SLC25A18: variants seen among roughly 807,000 people sequenced by gnomAD.
The protein encoded by SLC25A18 is mitochondrial glutamate carrier 2.
SLC25A18 carries 24 observed loss-of-function variants against 31.1 expected under a neutral mutation model. The ratio of observed to expected loss-of-function variants is 0.77; its 90% CI spans 0.56 to 1.08. SLC25A18 has a LOEUF of 1.08. Among genes scored for constraint, SLC25A18 ranks in the 50% least tolerant of loss-of-function variants. SLC25A18 has a pLI of 0.00. For missense variants in SLC25A18, 371 were observed against 418.5 expected (o/e 0.89, Z 0.99); for synonymous variants, 173 against 161.9 (o/e 1.07, Z -0.52).
intron 7 of SLC25A18, among the ~76,000 whole-genome samples, chr22:17,585,651 T>TTATTA (rs1491476479): frequency 1.6e-5 from 2 of 122,112 alleles, no homozygotes; most frequent in African/African-American, 7.8e-5. Flanking sequence ...ATTATTATTA[T>TTATTA]TTTTTTTTTT....
chr22:17,579,831 A>G lies in SLC25A18; in HGVS notation c.-114A>G. On this transcript the variant is annotated 5_prime_UTR_variant, in exon 3 of 11. Transcript: ENST00000327451. Reference sequence around the variant, plus strand: ...CACTCAAAACCCGTGCTCTGTCCACACTGCTACGGGGCCAGAGCCAAGGAA... The same window carrying G: ...CACTCAAAACCCGTGCTCTGTCCACGCTGCTACGGGGCCAGAGCCAAGGAA... 1 of 1,501,170 alleles carries G rather than the reference A, an allele frequency of 6.7e-7. No individual in the cohort carries two copies. The highest frequency in any genetic ancestry group is 8.9e-7 in the Non-Finnish European group (1 of 1,120,386). The allele number at this position is 1,501,170 out of a possible 1,614,324, so 93.0% of individuals were successfully genotyped here.
intron 2 of SLC25A18, among the ~76,000 whole-genome samples, chr22:17,572,056 G>A (rs942661051): frequency 8.6e-5 from 13 of 151,266 alleles, no homozygotes; most frequent in East Asian, 3.9e-4. Context: ...GTGTGGTGGT[G>A]CGTGCCTGTA....
rs8142020 is a variant in SLC25A18 at position 17,588,106 on chromosome 22, C to T, written c.730+27C>T. 7,380 of 1,613,106 alleles carry T rather than the reference C, an allele frequency of 4.6e-3. 264 individuals are homozygous for T. The African/African-American group carries it at 0.086, about 19-fold the overall frequency. ...TAAGGAGTTGGGAGACGTGTCCTTT[C>T]TATGGGATAAACAGTAATTTTGCAC... On this transcript the variant is annotated intron_variant, in intron 9 of 10. Transcript: ENST00000327451.
chr22:17,583,663 G>A (rs1374168077), intron 7 of SLC25A18, 129 bp downstream of exon 7: 3 of 1,315,428 alleles, frequency 2.3e-6, no homozygotes, highest in Non-Finnish European at 2.0e-6. Context: ...GAAGTTTTTG[G>A]CCAGGCATGG....
Position 17,581,211 on chromosome 22 carries a change from G to A in SLC25A18, c.143+52G>A, listed in dbSNP as rs760882135. ...GGCAGAGGCGCCCGGGGGAGGGATGGGGCCCCCTTCCCTCCAGTCTCCAGG... is the reference window on the plus strand; with the variant it reads ...GGCAGAGGCGCCCGGGGGAGGGATGAGGCCCCCTTCCCTCCAGTCTCCAGG... On this transcript the variant is annotated intron_variant, in intron 4 of 10. Coordinates refer to ENST00000327451, the MANE Select transcript of SLC25A18 (RefSeq NM_031481.3). The A allele has an allele frequency of 3.2e-6, 5 of 1,569,894 alleles. No individual in the cohort carries two copies. The African/African-American group carries it at 5.4e-5, about 17-fold the overall frequency.
rs1240659899 is a variant in SLC25A18, at chr22:17,569,157, C to T, written c.-263-767C>T. ...CCGAGTAGCTGGGACTACAGGCGCCCGCCACCACGCCCAGCTAATTTTTTG... is the reference window on the plus strand; with the variant it reads ...CCGAGTAGCTGGGACTACAGGCGCCTGCCACCACGCCCAGCTAATTTTTTG... On this transcript the variant is annotated intron_variant, in intron 1 of 10. Coordinates refer to ENST00000327451, the MANE Select transcript of SLC25A18 (RefSeq NM_031481.3). Among the ~76,000 whole-genome samples, 19 of 151,346 alleles carry T rather than the reference C, an allele frequency of 1.3e-4. No individual in the cohort carries two copies. The East Asian group carries it at 2.6e-3, about 20-fold the overall frequency.
chr22:17,588,020 C>G lies in SLC25A18; in HGVS notation c.671C>G (p.Ser224Cys). 6.2e-7 allele frequency: 1 copy of G among 1,614,254 alleles called. No individual in the cohort carries two copies. The highest frequency in any genetic ancestry group is 1.1e-5 in the South Asian group (1 of 91,082). Residue 224 changes from serine (S) to cysteine (C), a missense_variant, in exon 9 of 11, where the codon TCC becomes TGC. Coordinates refer to ENST00000327451, the MANE Select transcript of SLC25A18 (RefSeq NM_031481.3). ...ELAGKASFAH[S>C]FVSGCVAGSI... ...GCCGGTAAGGCGTCCTTTGCACATT[C>G]CTTCGTGTCAGGCTGTGTGGCAGGT...
At position 17,569,907 on chromosome 22, in the gene SLC25A18, G is replaced by A. The variant is rs1359976309; in HGVS notation, c.-263-17G>A. On this transcript the variant is annotated splice_polypyrimidine_tract_variant and intron_variant, in intron 1 of 10. Coordinates refer to ENST00000327451, the MANE Select transcript of SLC25A18 (RefSeq NM_031481.3). ...CAGTCCAAGCTGGCTGACACTGAAA[G>A]CCACCTCTCCCTGCAGCTCAGCAGC... 3 of 985,444 alleles carry A rather than the reference G, an allele frequency of 3.0e-6. No homozygotes were observed. Among genetic ancestry groups the A allele is most frequent in the Non-Finnish European group, 3.6e-6 (3 of 830,062 alleles). 61.0% of individuals were successfully genotyped at this position (985,444 alleles called of 1,614,324 possible).
chr22:17,588,198 A>C, intron 9 of SLC25A18, 119 bp downstream of exon 9: 1 of 1,178,018 alleles, frequency 8.5e-7, no homozygotes, highest in Non-Finnish European at 1.2e-6. Context: ...GCGGAGGCTC[A>C]CTAGAGGCCC....
intron 1 of SLC25A18, among the ~76,000 whole-genome samples, chr22:17,569,126 C>A (rs546114702): frequency 4.6e-5 from 7 of 150,606 alleles, no homozygotes; most frequent in South Asian, 2.1e-4. Flanking sequence ...CTCCTGCCTC[C>A]GCATCCCGAG....
chr22:17,570,708 A>T (rs1240799012), intron 2 of SLC25A18, among the ~76,000 whole-genome samples: 1 of 151,980 alleles, frequency 6.6e-6, no homozygotes, highest in Non-Finnish European at 1.5e-5. Context: ...CTGGTCTCGA[A>T]CTCCTAACCT....
At position 17,590,600 on chromosome 22, in the gene SLC25A18, A is replaced by G. The variant is rs929342637; in HGVS notation, c.*364A>G. 4 of 193,830 alleles carry G rather than the reference A, an allele frequency of 2.1e-5. No individual in the cohort carries two copies. The highest frequency in any genetic ancestry group is 3.2e-5 in the Non-Finnish European group (3 of 92,696). 12.0% of individuals were successfully genotyped at this position (193,830 alleles called of 1,614,324 possible). A position where few individuals can be genotyped will look rare whatever the true frequency, so the allele number is the denominator to read the frequency against. The stretch of plus-strand genomic sequence containing the variant: ...TTTCTATTTCACAGTCAAACTCGGC[A>G]TTCTTCAGTCAGCTTGAGGATTTAG... On this transcript the variant is annotated 3_prime_UTR_variant, in exon 11 of 11. Transcript: ENST00000327451.
Position 17,567,170 on chromosome 22 carries a change from T to C in SLC25A18, c.-263-2754T>C, listed in dbSNP as rs770836176. The stretch of plus-strand genomic sequence containing the variant: ...GAGCAAGACACTGTCTCAAAAATAA[T>C]GTATATTTTACAAAGAATTAGCATG... On this transcript the variant is annotated intron_variant, in intron 1 of 10. Coordinates refer to ENST00000327451, the MANE Select transcript of SLC25A18 (RefSeq NM_031481.3). Among the ~76,000 whole-genome samples, 9 of 152,232 alleles carry C rather than the reference T, an allele frequency of 5.9e-5. No homozygotes were observed. The East Asian group carries it at 1.2e-3, about 20-fold the overall frequency.
At chr22:17,566,834 AG>A (rs1413755286) in intron 1 of SLC25A18, among the ~76,000 whole-genome samples, 1 of 152,152 alleles carries the variant, frequency 6.6e-6, no homozygotes, top group Non-Finnish European at 1.5e-5. Context: ...ATCCTCTATC[AG>A]CTTTCCATTG....
At chr22:17,572,591 C>T (rs2057120513) in intron 2 of SLC25A18, among the ~76,000 whole-genome samples, 1 of 151,382 alleles carries the variant, frequency 6.6e-6, no homozygotes, top group Admixed American at 6.6e-5. Flanking sequence ...CCCAGGCATT[C>T]ATGACCAGCC....
chr22:17,580,482 A>G, intron 3 of SLC25A18: 1 of 980,012 alleles, frequency 1.0e-6, no homozygotes, highest in Non-Finnish European at 1.2e-6. Flanking sequence ...AGGTCACCTC[A>G]AGGGCTGACC....
intron 2 of SLC25A18, among the ~76,000 whole-genome samples, chr22:17,577,668 C>T (rs970008446): frequency 5.5e-5 from 8 of 145,546 alleles, no homozygotes; most frequent in African/African-American, 2.1e-4. Flanking sequence ...GCAAGTTCTG[C>T]CTCCCAGGTT....
intron 3 of SLC25A18, 146 bp downstream of exon 3, chr22:17,580,110 A>G: frequency 1.5e-6 from 1 of 659,574 alleles, no homozygotes. Context: ...TATACACTAC[A>G]TCTACTGTGG....
intron 3 of SLC25A18, chr22:17,580,492 C>A: frequency 2.0e-6 from 2 of 985,684 alleles, no homozygotes; most frequent in Non-Finnish European, 2.4e-6. Context: ...AAGGGCTGAC[C>A]GACTTGAAGC....
Sources: gnomAD v4.1 joint callset for allele counts (sites outside exome capture counted in the v4.1 genomes callset) on GRCh38, gnomAD v4.1.1 for gene constraint, MANE v1.5 for transcripts, NCBI Gene and HGNC (gene_info 2026-07-23, HGNC 2026-07-21) for gene names.